The following NMNAT1 variants were observed in gnomAD, a reference collection of about 807,000 sequenced individuals.
NMNAT1 encodes nicotinamide nucleotide adenylyltransferase 1.
Under a neutral mutation model 16.7 loss-of-function variants are expected in NMNAT1, and 11 were observed. The observed-to-expected ratio is 0.66, with a 90% CI of 0.41 to 1.09. NMNAT1 has a LOEUF of 1.09. Ranked by LOEUF, NMNAT1 falls within the 50% of genes least tolerant of loss-of-function variation. The pLI, the probability that NMNAT1 is intolerant of heterozygous loss-of-function variation, is 0.00. For synonymous variants in NMNAT1, 110 were observed against 119.8 expected (o/e 0.92, Z 0.53); for missense variants, 280 against 332.3 (o/e 0.84, Z 1.22).
chr1:9,995,504 C>A, the NMNAT1 span, among the ~76,000 whole-genome samples: 6 of 150,922 alleles, frequency 4.0e-5, no homozygotes, highest in Non-Finnish European at 8.9e-5. Context: ...ACCTACCTGG[C>A]CAACATGGTG....
At position 9,963,142 on chromosome 1, in the gene NMNAT1, A is replaced by G. The variant is rs376495083; in HGVS notation, c.-56-8876A>G. Among the ~76,000 whole-genome samples the G allele has an allele frequency of 4.1e-4, 63 of 152,156 alleles. 1 individual carries two copies. In the South Asian group the frequency reaches 8.1e-3, roughly 20 times the overall value. On this transcript the variant is annotated intron_variant, in intron 1 of 4. Coordinates refer to ENST00000377205, the MANE Select transcript of NMNAT1 (RefSeq NM_022787.4). ...GCTCAATTCCAATCTACACTGTTCC[A>G]GTTTATCTCCCATTTTTCTTCTTGG...
downstream of NMNAT1, among the ~76,000 whole-genome samples, chr1:9,989,390 G>A (rs112486364): frequency 0.081 from 12,274 of 151,914 alleles, 723 homozygotes; most frequent in African/African-American, 0.16. Context: ...CCCAGGAGGC[G>A]GAGGTTGCAC....
At chr1:9,978,765 G>A (rs1441752525) in intron 3 of NMNAT1, among the ~76,000 whole-genome samples, 1 of 152,220 alleles carries the variant, frequency 6.6e-6, no homozygotes, top group Non-Finnish European at 1.5e-5. Context: ...GATCCCACAA[G>A]TGTAGTTGAT....
At chr1:9,951,234 TAG>T (rs1641102886) in intron 1 of NMNAT1, 1 of 152,200 alleles carries the variant, frequency 6.6e-6, no homozygotes, top group South Asian at 2.1e-4. Context: ...TGCTTACCTG[TAG>T]AAGTTAAGCT....
the NMNAT1 span, among the ~76,000 whole-genome samples, chr1:9,994,992 C>T: frequency 2.0e-5 from 3 of 152,126 alleles, no homozygotes; most frequent in Non-Finnish European, 4.4e-5. Context: ...AGGTGATCCA[C>T]CCACCTCGGT....
chr1:9,944,442 T>G (rs897098520), intron 1 of NMNAT1, among the ~76,000 whole-genome samples: 1 of 152,164 alleles, frequency 6.6e-6, no homozygotes, highest in Non-Finnish European at 1.5e-5. Flanking sequence ...ATGTTCTTAG[T>G]CCATCTTCCT....
chr1:9,943,713 C>T (rs1245848100), intron 1 of NMNAT1, among the ~76,000 whole-genome samples, 198 bp downstream of exon 1: 1 of 152,124 alleles, frequency 6.6e-6, no homozygotes, highest in Non-Finnish European at 1.5e-5. Flanking sequence ...AGCTTCTGAC[C>T]TTCGGAACAG....
chr1:9,996,642 A>C, the NMNAT1 span, among the ~76,000 whole-genome samples: 11,964 of 152,152 alleles, frequency 0.079, 634 homozygotes, highest in Middle Eastern at 0.16. Flanking sequence ...TTTGTGCTGC[A>C]GGGATACTGA....
At chr1:9,960,502 AAATAAT>A (rs145467504) in intron 1 of NMNAT1, among the ~76,000 whole-genome samples, 3,936 of 152,034 alleles carry the variant, frequency 0.026, 74 homozygotes, top group Non-Finnish European at 0.039. Context: ...TCTCTACCAA[AAATAAT>A]AATAATAATA....
In NMNAT1 at chr1:9,983,611, G is replaced by C. The variant is rs1432054441; in HGVS notation, c.*910G>C. 8 of 151,814 alleles carry C rather than the reference G, an allele frequency of 5.3e-5. No homozygotes were observed. In the Admixed American group the frequency reaches 5.3e-4, roughly 10 times the overall value. 9.4% of individuals were successfully genotyped at this position (151,814 alleles called of 1,614,324 possible). On this transcript the variant is annotated 3_prime_UTR_variant, in exon 5 of 5. Coordinates refer to ENST00000377205, the MANE Select transcript of NMNAT1 (RefSeq NM_022787.4). ...GCAGAGGTTGCAGTAAGCCAAGATC[G>C]TGCCATTGCACTCCAGCCTGGGTGA... is the stretch of plus-strand genomic sequence containing the variant.
At chr1:9,980,747 C>T (rs1035883325) in intron 3 of NMNAT1, among the ~76,000 whole-genome samples, 4 of 151,656 alleles carry the variant, frequency 2.6e-5, no homozygotes, top group African/African-American at 9.7e-5. Flanking sequence ...ACCTCTGCCT[C>T]CCAGGTTCAA....
Position 9,955,419 on chromosome 1 carries a change from A to G in NMNAT1, c.-57+11904A>G, listed in dbSNP as rs555581805. Among the ~76,000 whole-genome samples, 50 of 150,702 alleles carry G rather than the reference A, an allele frequency of 3.3e-4. No homozygotes were observed. The South Asian group carries it at 4.0e-3, about 12-fold the overall frequency. ...ACTTTGTCTCAAAAAAAAAAAAAAAAAAAGAAAGAAACCCCTTCTCTACTA... is the reference window on the plus strand; with the variant it reads ...ACTTTGTCTCAAAAAAAAAAAAAAAGAAAGAAAGAAACCCCTTCTCTACTA... On this transcript the variant is annotated intron_variant, in intron 1 of 4. Coordinates refer to ENST00000377205, the MANE Select transcript of NMNAT1 (RefSeq NM_022787.4).
At chr1:9,993,221 G>A in the NMNAT1 span, among the ~76,000 whole-genome samples, 1 of 152,066 alleles carries the variant, frequency 6.6e-6, no homozygotes, top group Non-Finnish European at 1.5e-5. Context: ...GCTCGCACCT[G>A]TAATTCCAGC....
At chr1:9,973,783 G>A (rs889497255) in intron 2 of NMNAT1, among the ~76,000 whole-genome samples, 1 of 148,270 alleles carries the variant, frequency 6.7e-6, no homozygotes, top group Admixed American at 6.8e-5. Flanking sequence ...CCAGCACTTC[G>A]AGAGGCAGAA....
chr1:9,948,840 G>GT (rs1641039040), intron 1 of NMNAT1, among the ~76,000 whole-genome samples: 1 of 151,292 alleles, frequency 6.6e-6, no homozygotes, highest in South Asian at 2.1e-4. Context: ...TAGAGACGGG[G>GT]TTTCACCATG....
chr1:9,958,227 G>A (rs1055932689), intron 1 of NMNAT1, among the ~76,000 whole-genome samples: 4 of 152,014 alleles, frequency 2.6e-5, no homozygotes, highest in African/African-American at 9.7e-5. Context: ...GGTTCTGTTT[G>A]GTGATAATGT....
chr1:9,996,351 T>C, the NMNAT1 span, among the ~76,000 whole-genome samples: 1 of 151,154 alleles, frequency 6.6e-6, no homozygotes, highest in Admixed American at 6.6e-5. Flanking sequence ...TGAGACTCTG[T>C]CTCAAAAGAA....
chr1:9,955,927 A>C (rs1641248069), intron 1 of NMNAT1: 1 of 152,108 alleles, frequency 6.6e-6, no homozygotes, highest in Admixed American at 6.6e-5. Context: ...TGGGTGATAC[A>C]TTAATTTATT....
intron 1 of NMNAT1, among the ~76,000 whole-genome samples, chr1:9,971,246 C>T (rs1641680908): frequency 6.6e-6 from 1 of 152,112 alleles, no homozygotes; most frequent in African/African-American, 2.4e-5. Flanking sequence ...GTAGAAGTTG[C>T]AGATTCACAT....
Sources: gnomAD v4.1 joint callset for allele counts (sites outside exome capture counted in the v4.1 genomes callset) on GRCh38, gnomAD v4.1.1 for gene constraint, MANE v1.5 for transcripts, NCBI Gene and HGNC (gene_info 2026-07-23, HGNC 2026-07-21) for gene names.